The following PIK3C2G variants were observed in gnomAD, a reference collection of about 807,000 sequenced individuals.
PIK3C2G encodes phosphatidylinositol 3-kinase C2 domain-containing subunit gamma.
PIK3C2G carries 168 observed loss-of-function variants against 181.1 expected under a neutral mutation model. The observed-to-expected ratio is 0.93, with a 90% CI of 0.82 to 1.05. PIK3C2G has a LOEUF of 1.05. PIK3C2G is among the 50% of genes least tolerant of loss of function. The probability of loss-of-function intolerance (pLI) is 0.00; values close to 1 mark genes in which losing one functional copy is unlikely to be tolerated. For missense variants in PIK3C2G, 1,869 were observed against 1,732.8 expected (o/e 1.08, Z -1.40); for synonymous variants, 573 against 592.2 (o/e 0.97, Z 0.47).
At chr12:18,253,739 C>T (rs903577191) in intron 1 of PIK3C2G, among the ~76,000 whole-genome samples, 1 of 152,112 alleles carries the variant, frequency 6.6e-6, no homozygotes, top group Non-Finnish European at 1.5e-5. Context: ...AAAGTAATTC[C>T]AGCTTGATCA....
chr12:18,693,505 C>T, the PIK3C2G span: 1 of 1,610,842 alleles, frequency 6.2e-7, no homozygotes, highest in Non-Finnish European at 8.5e-7. Context: ...CAAACCAAAC[C>T]TCAGCCACTT....
chr12:18,351,176 A>C (rs529264695), intron 11 of PIK3C2G, among the ~76,000 whole-genome samples: 2 of 152,074 alleles, frequency 1.3e-5, no homozygotes, highest in Admixed American at 6.5e-5. Flanking sequence ...TTAAGTATGT[A>C]CTTTTAATTT....
At chr12:18,666,475 A>G in the PIK3C2G span, among the ~76,000 whole-genome samples, 1 of 152,124 alleles carries the variant, frequency 6.6e-6, no homozygotes, top group Admixed American at 6.5e-5. Flanking sequence ...GTTGCACGAG[A>G]CAAAGAAGGA....
intron 30 of PIK3C2G, among the ~76,000 whole-genome samples, chr12:18,609,202 C>T (rs1202365766): frequency 6.6e-6 from 1 of 151,978 alleles, no homozygotes; most frequent in African/African-American, 2.4e-5. Context: ...TCTCTATGAC[C>T]TCTAATACTT....
chr12:18,296,476 T>C (rs1949947920), intron 5 of PIK3C2G, among the ~76,000 whole-genome samples: 1 of 151,908 alleles, frequency 6.6e-6, no homozygotes, highest in Non-Finnish European at 1.5e-5. Flanking sequence ...GAACTTAGAC[T>C]CTCCAAAAAT....
At chr12:18,669,164 G>A in the PIK3C2G span, among the ~76,000 whole-genome samples, 1 of 152,048 alleles carries the variant, frequency 6.6e-6, no homozygotes, top group South Asian at 2.1e-4. Context: ...CCTCTGATGG[G>A]AAACTAAAGC....
In PIK3C2G at chr12:18,282,518, C is replaced by T. The variant is rs11044004; in HGVS notation, c.437C>T (p.Pro146Leu). The T allele has an allele frequency of 0.4, 641,202 of 1,605,944 alleles. 129,634 individuals carry two copies. The highest frequency in any genetic ancestry group is 0.41 in the Non-Finnish European group (483,224 of 1,173,276). ...GATTCCAGATTCAGTATTTTAGCTC[C>T]ATCATTCACAAGTTTGGATAAAATT... ...ADDSRFSILA[P>L]SFTSLDKINL... The change falls in exon 2 of 33, where the codon CCA becomes CTA. Residue 146 changes from proline to leucine, a missense_variant. Pro to Leu is a moderately conservative substitution (Grantham distance 98). Coordinates refer to ENST00000538779, the MANE Select transcript of PIK3C2G (RefSeq NM_001288772.2).
At chr12:18,641,230 C>T (rs1949822075) in intron 32 of PIK3C2G, among the ~76,000 whole-genome samples, 1 of 152,190 alleles carries the variant, frequency 6.6e-6, no homozygotes, top group Non-Finnish European at 1.5e-5. Flanking sequence ...CTTTCCCTCA[C>T]TATCACCTCC....
intron 31 of PIK3C2G, among the ~76,000 whole-genome samples, chr12:18,632,879 CA>C (rs1949410130): frequency 6.6e-6 from 1 of 152,182 alleles, no homozygotes; most frequent in Non-Finnish European, 1.5e-5. Context: ...GAAACCCCCT[CA>C]CAGACATACC....
At chr12:18,600,009 A>G (rs901659503) in intron 30 of PIK3C2G, among the ~76,000 whole-genome samples, 1 of 152,000 alleles carries the variant, frequency 6.6e-6, no homozygotes, top group African/African-American at 2.4e-5. Flanking sequence ...ACTCTATTTC[A>G]CATCTTGATT....
intron 1 of PIK3C2G, among the ~76,000 whole-genome samples, chr12:18,274,546 C>G (rs1283530271): frequency 6.6e-6 from 1 of 152,046 alleles, no homozygotes; most frequent in Admixed American, 6.6e-5. Context: ...AGCAAACTAT[C>G]GCAAGGACAA....
At chr12:18,723,306 C>T in the PIK3C2G span, 2 of 1,605,478 alleles carry the variant, frequency 1.2e-6, no homozygotes, top group Non-Finnish European at 1.7e-6. Context: ...GAAATGCAAA[C>T]ATACCTTCTT....
At chr12:18,659,391 A>G in the PIK3C2G span, among the ~76,000 whole-genome samples, 2,722 of 152,234 alleles carry the variant, frequency 0.018, 84 homozygotes, top group African/African-American at 0.062. Flanking sequence ...TCCCTAAATC[A>G]CTTGGGATTA....
chr12:18,631,971 C>A (rs1949370425), intron 31 of PIK3C2G, among the ~76,000 whole-genome samples: 1 of 152,034 alleles, frequency 6.6e-6, no homozygotes, highest in Non-Finnish European at 1.5e-5. Context: ...GTGTTCCCCA[C>A]TGGGGTCAGT....
intron 20 of PIK3C2G, among the ~76,000 whole-genome samples, chr12:18,494,928 A>C (rs1940879160): frequency 6.6e-6 from 1 of 151,944 alleles, no homozygotes; most frequent in African/African-American, 2.4e-5. Flanking sequence ...CTAACTAAAC[A>C]ATCCCTTGCT....
At chr12:18,339,988 T>G (rs561181978) in intron 9 of PIK3C2G, among the ~76,000 whole-genome samples, 1 of 152,256 alleles carries the variant, frequency 6.6e-6, no homozygotes, top group South Asian at 2.1e-4. Context: ...AAATTTTTCT[T>G]AATAAGGAAA....
the PIK3C2G span, among the ~76,000 whole-genome samples, chr12:18,721,084 G>A: frequency 6.6e-6 from 1 of 152,042 alleles, no homozygotes; most frequent in South Asian, 2.1e-4. Context: ...CATTGTAACA[G>A]TAATGACTTG....
the PIK3C2G span, among the ~76,000 whole-genome samples, chr12:18,655,407 T>C: frequency 6.6e-6 from 1 of 152,156 alleles, no homozygotes; most frequent in Non-Finnish European, 1.5e-5. Flanking sequence ...CTGCTATAAA[T>C]GAATAAATAA....
At chr12:18,245,002 T>A (rs867598018), upstream of PIK3C2G, among the ~76,000 whole-genome samples, 2 of 152,124 alleles carry the variant, frequency 1.3e-5, no homozygotes, top group Non-Finnish European at 2.9e-5. Context: ...GTTTCAACTG[T>A]AAAGATGTAT....
Sources: allele counts gnomAD v4.1 joint callset (sites outside exome capture counted in the v4.1 genomes callset), GRCh38; gene constraint gnomAD v4.1.1; transcripts MANE v1.5; gene names NCBI Gene and HGNC (gene_info 2026-07-23, HGNC 2026-07-21).